SLIT3: variants seen among roughly 807,000 people sequenced by gnomAD.
SLIT3 encodes slit homolog 3 protein.
SLIT3 carries 68 observed loss-of-function variants against 184.0 expected under a neutral mutation model. The observed-to-expected ratio is 0.37, with a 90% CI of 0.30 to 0.45. The LOEUF is 0.45. Ranked by LOEUF, SLIT3 falls within the 20% of genes least tolerant of loss-of-function variation. The pLI, the probability that SLIT3 is intolerant of heterozygous loss-of-function variation, is 1.00. For synonymous variants in SLIT3, 831 were observed against 828.6 expected (o/e 1.00, Z -0.05); for missense variants, 1,707 against 2,026.0 (o/e 0.84, Z 3.02).
At chr5:168,885,936 C>T (rs899476043) in intron 4 of SLIT3, among the ~76,000 whole-genome samples, 14 of 152,130 alleles carry the variant, frequency 9.2e-5, no homozygotes, top group African/African-American at 3.1e-4. Context: ...GCTGGGAGAC[C>T]TCCCACACAG....
intron 4 of SLIT3, among the ~76,000 whole-genome samples, chr5:169,018,233 T>C (rs1354978181): frequency 1.3e-5 from 2 of 152,200 alleles, no homozygotes; most frequent in African/African-American, 2.4e-5. Context: ...GTGATTCCTA[T>C]CTACACTGAA....
At chr5:169,082,976 CAAAT>C (rs779780878) in intron 4 of SLIT3, among the ~76,000 whole-genome samples, 5 of 152,278 alleles carry the variant, frequency 3.3e-5, no homozygotes, top group Admixed American at 1.3e-4. Context: ...AGCTCCAAAG[CAAAT>C]AAAGTGATCA....
At chr5:169,151,231 G>A (rs1461750492) in intron 4 of SLIT3, among the ~76,000 whole-genome samples, 1 of 152,156 alleles carries the variant, frequency 6.6e-6, no homozygotes, top group Non-Finnish European at 1.5e-5. Context: ...AGCACAGCAG[G>A]TGGCCCTTTC....
chr5:169,014,037 G>C (rs1434424865), intron 4 of SLIT3, among the ~76,000 whole-genome samples: 1 of 152,070 alleles, frequency 6.6e-6, no homozygotes, highest in African/African-American at 2.4e-5. Flanking sequence ...AAAACTTTGA[G>C]GTCTGCCTGC....
intron 5 of SLIT3, among the ~76,000 whole-genome samples, chr5:168,845,517 A>T (rs1177352114): frequency 9.8e-6 from 1 of 101,828 alleles, no homozygotes; most frequent in Non-Finnish European, 2.2e-5. Flanking sequence ...CCATCCTGTG[A>T]TCCTGTGAGC....
intron 3 of SLIT3, among the ~76,000 whole-genome samples, chr5:169,224,608 T>A (rs1764736599): frequency 6.6e-6 from 1 of 152,162 alleles, no homozygotes; most frequent in Admixed American, 6.5e-5. Context: ...GCTCAAGTGA[T>A]CTTCCCACTT....
At chr5:168,823,395 T>C (rs1757599721) in intron 6 of SLIT3, 64 bp from the exon 7 acceptor site, 6 of 1,197,572 alleles carry the variant, frequency 5.0e-6, no homozygotes, top group Non-Finnish European at 5.0e-6. Flanking sequence ...AAGATGCTTG[T>C]AGTAGGTCGG....
chr5:168,943,691 G>A (rs80296946), intron 4 of SLIT3, among the ~76,000 whole-genome samples: 4,857 of 152,230 alleles, frequency 0.032, 122 homozygotes, highest in African/African-American at 0.059. Context: ...TTATATGAGT[G>A]AACACACACT....
At chr5:168,994,425 C>T (rs537116445) in intron 4 of SLIT3, among the ~76,000 whole-genome samples, 12 of 152,070 alleles carry the variant, frequency 7.9e-5, no homozygotes, top group South Asian at 2.1e-4. Flanking sequence ...CCCATAAAGG[C>T]GAAAGGTACC....
rs190126567 is a variant in SLIT3, at chr5:169,157,605, A to C, written c.413+35874T>G. Among the ~76,000 whole-genome samples, 19 of 152,332 alleles carry C rather than the reference A, an allele frequency of 1.2e-4. No individual in the cohort carries two copies. In the East Asian group the frequency reaches 3.5e-3, roughly 28 times the overall value. ...AAAAGCCAGCTAAAACAGAAGATTCAATAAGATCCAGAGTCGCACAACATA... is the reference window on the plus strand; with the variant it reads ...AAAAGCCAGCTAAAACAGAAGATTCCATAAGATCCAGAGTCGCACAACATA... On this transcript the variant is annotated intron_variant, in intron 4 of 35. Transcript: ENST00000519560.
intron 16 of SLIT3, among the ~76,000 whole-genome samples, chr5:168,758,429 G>A (rs965082620): frequency 1.3e-5 from 2 of 152,170 alleles, no homozygotes; most frequent in African/African-American, 4.8e-5. Flanking sequence ...TCTGCCTCAC[G>A]CCCACAGGCC....
At chr5:169,152,517 C>G (rs903344045) in intron 4 of SLIT3, among the ~76,000 whole-genome samples, 1 of 152,140 alleles carries the variant, frequency 6.6e-6, no homozygotes, top group African/African-American at 2.4e-5. Flanking sequence ...GTCTGGGCAC[C>G]GCCTCGTGGG....
chr5:168,809,796 G>A (rs1446413898), intron 8 of SLIT3, among the ~76,000 whole-genome samples: 1 of 152,206 alleles, frequency 6.6e-6, no homozygotes, highest in African/African-American at 2.4e-5. Flanking sequence ...ATGTGGAGGG[G>A]CTAAATGTCA....
At chr5:169,230,865 A>G (rs12515501) in intron 3 of SLIT3, among the ~76,000 whole-genome samples, 20,090 of 152,206 alleles carry the variant, frequency 0.13, 1,514 homozygotes, top group South Asian at 0.16. Context: ...TGCATCTTAA[A>G]AAGTTTTCAG....
chr5:168,763,709 G>A (rs758375888), intron 14 of SLIT3, among the ~76,000 whole-genome samples: 2 of 152,220 alleles, frequency 1.3e-5, no homozygotes, highest in African/African-American at 2.4e-5. Flanking sequence ...AATCATGCTG[G>A]TTGGAACTGA....
At chr5:169,162,807 T>C (rs1055262803) in intron 4 of SLIT3, among the ~76,000 whole-genome samples, 2 of 152,050 alleles carry the variant, frequency 1.3e-5, no homozygotes, top group Non-Finnish European at 2.9e-5. Context: ...GCCTGGCACA[T>C]GGTAGGAGGC....
intron 4 of SLIT3, among the ~76,000 whole-genome samples, chr5:168,948,155 CCA>C (rs1193945993): frequency 6.6e-6 from 1 of 152,178 alleles, no homozygotes; most frequent in African/African-American, 2.4e-5. Flanking sequence ...TGACTGTGTG[CCA>C]CACTTTCCCT....
intron 4 of SLIT3, among the ~76,000 whole-genome samples, chr5:168,972,630 C>T (rs1200329209): frequency 8.6e-5 from 13 of 152,040 alleles, no homozygotes; most frequent in Non-Finnish European, 1.8e-4. Context: ...AGGGATGACA[C>T]GAGATGGCCA....
chr5:168,926,713 CGAAGAAGACTTGGATAGACTTTTCTACG>C (rs572566920), intron 4 of SLIT3, among the ~76,000 whole-genome samples: 1,138 of 64,198 alleles, frequency 0.018, 12 homozygotes, highest in African/African-American at 0.1. Context: ...GACTTTTCTA[CGAAGAAGACTTGGATAGACTTTTCTACG>C]AAGAAGACAT....
Sources: gnomAD v4.1 joint callset for allele counts (sites outside exome capture counted in the v4.1 genomes callset) on GRCh38, gnomAD v4.1.1 for gene constraint, MANE v1.5 for transcripts, NCBI Gene and HGNC (gene_info 2026-07-23, HGNC 2026-07-21) for gene names.